Variants in TBCK observed in about 807,000 individuals in gnomAD.
The protein encoded by TBCK is TBC domain-containing protein kinase-like protein.
TBCK carries 99 observed loss-of-function variants against 113.4 expected under a neutral mutation model. The observed-to-expected ratio is 0.87, with a 90% CI of 0.74 to 1.03. TBCK has a LOEUF of 1.03. Among genes scored for constraint, TBCK ranks in the 50% least tolerant of loss-of-function variants. The pLI, the probability that TBCK is intolerant of heterozygous loss-of-function variation, is 0.00. For synonymous variants in TBCK, 369 were observed against 370.8 expected, an observed-to-expected ratio of 1.00 and a Z score of 0.05; for missense variants, 1,045 against 1,061.3, an observed-to-expected ratio of 0.98 and a Z score of 0.21.
At chr4:106,295,450 C>T (rs1381506516) in intron 2 of TBCK, among the ~76,000 whole-genome samples, 1 of 152,058 alleles carries the variant, frequency 6.6e-6, no homozygotes, top group African/African-American at 2.4e-5. Flanking sequence ...AAAAATAACT[C>T]ACCCTTCTTC....
chr4:106,199,563 C>T lies in TBCK; in HGVS notation c.1861-4809G>A, dbSNP rs555039209. Among the ~76,000 whole-genome samples, 7 of 152,232 alleles carry T rather than the reference C, an allele frequency of 4.6e-5. No homozygotes were observed. The East Asian group carries it at 1.2e-3, about 25-fold the overall frequency. On this transcript the variant is annotated intron_variant, in intron 20 of 25. Transcript: ENST00000394708. ...TGTATATCCAAATGCCTGTTTTCTC[C>T]ACTTGCATGTCTAACAGATACACAT...
chr4:106,204,751 ATTT>A (rs34775295), intron 20 of TBCK, among the ~76,000 whole-genome samples: 17 of 87,278 alleles, frequency 1.9e-4, no homozygotes, highest in African/African-American at 6.0e-4. Flanking sequence ...ACAAACAATG[ATTT>A]TTTTTTTTTT....
chr4:106,236,466 G>GT lies in TBCK; in HGVS notation c.1273dup (p.Thr425AsnfsTer17). 1 of 1,578,648 alleles carries GT rather than the reference G, an allele frequency of 6.3e-7. No homozygotes were observed. The highest frequency in any genetic ancestry group is 8.6e-7 in the Non-Finnish European group (1 of 1,161,324). ...CTTCTCTCTGATGATTAAAGGGAGC[G>GT]TGGCAGCTGCAGACAACTCATTATT... On this transcript the variant is annotated frameshift_variant, in exon 14 of 26. Coordinates refer to ENST00000394708, the MANE Select transcript of TBCK (RefSeq NM_001163435.3). LOFTEE classifies it high-confidence loss of function.
At chr4:106,295,519 G>A (rs1211828447) in intron 2 of TBCK, among the ~76,000 whole-genome samples, 15 of 152,208 alleles carry the variant, frequency 9.9e-5, no homozygotes, top group African/African-American at 3.6e-4. Context: ...AATTTTGAAA[G>A]AAGGGAAAAG....
chr4:106,158,563 A>G (rs1283731565), intron 23 of TBCK, among the ~76,000 whole-genome samples: 1 of 152,178 alleles, frequency 6.6e-6, no homozygotes, highest in Non-Finnish European at 1.5e-5. Flanking sequence ...GAAGTAGTTA[A>G]GTTCTTAGAA....
intron 19 of TBCK, among the ~76,000 whole-genome samples, chr4:106,220,155 G>A (rs1219944544): frequency 6.6e-6 from 1 of 152,114 alleles, no homozygotes; most frequent in Non-Finnish European, 1.5e-5. Context: ...AACTTGAATT[G>A]TATCTTCCAG....
chr4:106,143,034 T>C (rs1198490497), intron 23 of TBCK, among the ~76,000 whole-genome samples: 1 of 152,230 alleles, frequency 6.6e-6, no homozygotes, highest in Non-Finnish European at 1.5e-5. Context: ...TACTATATCC[T>C]ATATCATGAC....
At chr4:106,232,727 A>G (rs1759003939) in intron 17 of TBCK, among the ~76,000 whole-genome samples, 1 of 152,050 alleles carries the variant, frequency 6.6e-6, no homozygotes, top group East Asian at 1.9e-4. Context: ...CAACTTGTAT[A>G]TTAAATATTA....
intron 20 of TBCK, among the ~76,000 whole-genome samples, chr4:106,204,958 G>A (rs1417737155): frequency 6.6e-6 from 1 of 150,802 alleles, no homozygotes; most frequent in African/African-American, 2.4e-5. Context: ...GTAGAGACGG[G>A]GTTTCACCTT....
At chr4:106,250,926 C>T (rs1170471640) in intron 6 of TBCK, among the ~76,000 whole-genome samples, 1 of 152,026 alleles carries the variant, frequency 6.6e-6, no homozygotes, top group South Asian at 2.1e-4. Flanking sequence ...CATAACACTC[C>T]TTCCTCTTAC....
At chr4:106,239,609 G>A (rs73838167) in intron 12 of TBCK, among the ~76,000 whole-genome samples, 2,082 of 152,076 alleles carry the variant, frequency 0.014, 54 homozygotes, top group African/African-American at 0.047. Flanking sequence ...TGGAAGCACC[G>A]GAAGAGTGTT....
intron 24 of TBCK, among the ~76,000 whole-genome samples, chr4:106,108,759 A>G (rs1229963818): frequency 6.6e-6 from 1 of 152,182 alleles, no homozygotes; most frequent in African/African-American, 2.4e-5. Context: ...TCCTAGTCAG[A>G]GCAATGAGGC....
At chr4:106,078,806 T>C (rs1738524792) in intron 25 of TBCK, among the ~76,000 whole-genome samples, 1 of 151,650 alleles carries the variant, frequency 6.6e-6, no homozygotes, top group African/African-American at 2.4e-5. Context: ...AGCATCATCC[T>C]CATACCAAAA....
intron 25 of TBCK, among the ~76,000 whole-genome samples, chr4:106,062,164 A>T (rs1172921754): frequency 2.6e-5 from 4 of 151,898 alleles, no homozygotes; most frequent in Non-Finnish European, 5.9e-5. Context: ...AGATTTATAG[A>T]TTAGTGATTA....
At chr4:106,248,197 T>C (rs1395093467) in intron 9 of TBCK, 48 bp downstream of exon 9, 18 of 1,318,234 alleles carry the variant, frequency 1.4e-5, no homozygotes, top group Non-Finnish European at 1.9e-5. Flanking sequence ...ACCAATTGCT[T>C]ATGCGTAAAG....
intron 24 of TBCK, among the ~76,000 whole-genome samples, chr4:106,096,824 T>G (rs1740973568): frequency 1.3e-5 from 2 of 152,218 alleles, no homozygotes; most frequent in Admixed American, 6.5e-5. Context: ...CACCTTTAAG[T>G]GCCTCTTCCA....
chr4:106,258,713 T>C (rs1762227538), intron 5 of TBCK, among the ~76,000 whole-genome samples: 1 of 151,936 alleles, frequency 6.6e-6, no homozygotes, highest in African/African-American at 2.4e-5. Context: ...CTTACACAAA[T>C]TGATTTAGAC....
chr4:106,200,031 T>C (rs148663851), intron 20 of TBCK, among the ~76,000 whole-genome samples: 1 of 152,314 alleles, frequency 6.6e-6, no homozygotes, highest in East Asian at 1.9e-4. Context: ...AACTATGTAA[T>C]ATGGCCCTCT....
chr4:106,097,183 T>C (rs1741023640), intron 24 of TBCK, among the ~76,000 whole-genome samples: 1 of 152,198 alleles, frequency 6.6e-6, no homozygotes. Flanking sequence ...ATTAAAATGC[T>C]TCACAAAATA....
Sources: gnomAD v4.1 joint callset for allele counts (sites outside exome capture counted in the v4.1 genomes callset) on GRCh38, gnomAD v4.1.1 for gene constraint, MANE v1.5 for transcripts, NCBI Gene and HGNC (gene_info 2026-07-23, HGNC 2026-07-21) for gene names.